GRAP2: variants seen among roughly 807,000 people sequenced by gnomAD.
GRAP2 encodes the protein GRB2 related adaptor protein 2, also known as GRB2-related adapter protein 2.
A neutral mutation model predicts 43.5 loss-of-function variants in GRAP2; 31 were observed. That is an observed-to-expected ratio of 0.71 (90% CI 0.54 to 0.96). GRAP2 has a LOEUF of 0.96. GRAP2 is among the 40% of genes least tolerant of loss of function. The pLI is 0.00. For synonymous variants in GRAP2, 156 were observed against 164.8 expected (o/e 0.95, Z 0.41); for missense variants, 371 against 424.4 (o/e 0.87, Z 1.11).
chr22:39,966,659 A>T (rs2067177666), intron 5 of GRAP2, among the ~76,000 whole-genome samples: 1 of 152,310 alleles, frequency 6.6e-6, no homozygotes, highest in East Asian at 1.9e-4. Flanking sequence ...GATTGGGGGT[A>T]GGGAGGACAT....
chr22:39,951,770 C>A (rs1473507350), intron 2 of GRAP2, among the ~76,000 whole-genome samples: 1 of 152,100 alleles, frequency 6.6e-6, no homozygotes, highest in Admixed American at 6.5e-5. Flanking sequence ...CATCTCCCCT[C>A]CCCTCAAATA....
At chr22:39,921,727 G>A (rs1030010239) in intron 1 of GRAP2, among the ~76,000 whole-genome samples, 2 of 152,212 alleles carry the variant, frequency 1.3e-5, no homozygotes, top group Non-Finnish European at 2.9e-5. Flanking sequence ...CTAGGAAAAT[G>A]TGTTACTGAA....
intron 1 of GRAP2, among the ~76,000 whole-genome samples, chr22:39,925,567 T>A (rs977504114): frequency 6.6e-6 from 1 of 152,174 alleles, no homozygotes; most frequent in African/African-American, 2.4e-5. Context: ...TAACTCTTGC[T>A]CATCTCCCTA....
intron 1 of GRAP2, chr22:39,926,955 GC>G: frequency 1.8e-6 from 1 of 563,162 alleles, no homozygotes; most frequent in Non-Finnish European, 2.3e-6. Context: ...CCTGGATCCA[GC>G]CCAGTTTGTC....
intron 2 of GRAP2, among the ~76,000 whole-genome samples, chr22:39,951,377 A>G (rs1366727367): frequency 6.6e-6 from 1 of 152,216 alleles, no homozygotes; most frequent in Non-Finnish European, 1.5e-5. Context: ...TAATGCAGCT[A>G]ATGCGACCTC....
At chr22:39,969,250 T>TA in intron 6 of GRAP2, 161 bp from the exon 7 acceptor site, 1 of 744,548 alleles carries the variant, frequency 1.3e-6, no homozygotes, top group South Asian at 1.8e-5. Context: ...AAGGTGCCTT[T>TA]AGACCTTAGG....
At chr22:39,938,651 G>A (rs567441279) in intron 1 of GRAP2, among the ~76,000 whole-genome samples, 3 of 152,360 alleles carry the variant, frequency 2.0e-5, no homozygotes, top group African/African-American at 7.2e-5. Context: ...ATGGGGAAGA[G>A]AGAACAGCAC....
rs550188398 is a variant in GRAP2, at chr22:39,966,344, C to T, written c.459+186C>T. Reference sequence around the variant, plus strand: ...TCGTGTGACTTTGGAAAGTTCTCTGCGCCTCAGTTTCCTCATCCATAAAGT... The same window carrying T: ...TCGTGTGACTTTGGAAAGTTCTCTGTGCCTCAGTTTCCTCATCCATAAAGT... On this transcript the variant is annotated intron_variant, in intron 5 of 7. Coordinates refer to ENST00000344138, the MANE Select transcript of GRAP2 (RefSeq NM_004810.4). Among the ~76,000 whole-genome samples, 17 of 152,284 alleles carry T rather than the reference C, an allele frequency of 1.1e-4. No homozygotes were observed. In the South Asian group the frequency reaches 1.7e-3, roughly 15 times the overall value.
chr22:39,899,288 T>C (rs946486085), upstream of GRAP2, among the ~76,000 whole-genome samples: 3 of 152,212 alleles, frequency 2.0e-5, no homozygotes, highest in African/African-American at 7.2e-5. Flanking sequence ...ATTAGCTTCC[T>C]CATTAGGGTA....
At position 39,956,636 on chromosome 22, in the gene GRAP2, C is replaced by CTTTTTTTTTTTTTTTTTTTT. The variant is rs1601732092; in HGVS notation, c.170+730_170+731insTTTTTTTTTTTTTTTTTTTT. Among the ~76,000 whole-genome samples the CTTTTTTTTTTTTTTTTTTTT allele has an allele frequency of 7.3e-5, 11 of 151,032 alleles. No individual in the cohort carries two copies. The East Asian group carries it at 2.3e-3, about 31-fold the overall frequency. ...GGTGCATGCCACCACACCCAGCTAA[C>CTTTTTTTTTTTTTTTTTTTT]TTTTGTATTTTTAGTAGAGATGGGG... On this transcript the variant is annotated intron_variant, in intron 3 of 7. Transcript: ENST00000344138.
chr22:39,921,615 C>A (rs916053712), intron 1 of GRAP2, among the ~76,000 whole-genome samples: 4 of 152,146 alleles, frequency 2.6e-5, no homozygotes, highest in Non-Finnish European at 4.4e-5. Flanking sequence ...CTTCAAGTTT[C>A]TCTTTTGTAG....
chr22:39,953,203 G>T (rs1454703336), intron 2 of GRAP2, among the ~76,000 whole-genome samples: 1 of 152,106 alleles, frequency 6.6e-6, no homozygotes, highest in Non-Finnish European at 1.5e-5. Flanking sequence ...CCTCTCTCCT[G>T]GGTCCAGACT....
chr22:39,948,378 G>A (rs2066946595), intron 2 of GRAP2: 2 of 152,188 alleles, frequency 1.3e-5, no homozygotes, highest in Non-Finnish European at 2.9e-5. Flanking sequence ...GCAGCGAGAA[G>A]TTCCTGCCTT....
At chr22:39,945,814 A>G (rs2066916138) in intron 1 of GRAP2, among the ~76,000 whole-genome samples, 1 of 152,176 alleles carries the variant, frequency 6.6e-6, no homozygotes, top group South Asian at 2.1e-4. Context: ...TAAAACGTAA[A>G]TACTATTTAG....
At chr22:39,952,136 C>T (rs556452781) in intron 2 of GRAP2, among the ~76,000 whole-genome samples, 36 of 151,210 alleles carry the variant, frequency 2.4e-4, no homozygotes, top group Non-Finnish European at 3.8e-4. Flanking sequence ...AAGCAATTCT[C>T]GTGGCTCAGC....
At chr22:39,942,780 A>G (rs1466748820) in intron 1 of GRAP2, among the ~76,000 whole-genome samples, 1 of 152,210 alleles carries the variant, frequency 6.6e-6, no homozygotes, top group Non-Finnish European at 1.5e-5. Flanking sequence ...ACAGAGGAAA[A>G]CTTTGTCTCT....
intron 1 of GRAP2, among the ~76,000 whole-genome samples, chr22:39,905,748 A>T (rs2066518960): frequency 6.6e-6 from 1 of 152,146 alleles, no homozygotes; most frequent in African/African-American, 2.4e-5. Context: ...TACGTTGCAC[A>T]AGGTCACTTA....
chr22:39,965,782 G>A (rs770688446), intron 4 of GRAP2, among the ~76,000 whole-genome samples: 12 of 152,190 alleles, frequency 7.9e-5, no homozygotes, highest in Non-Finnish European at 1.5e-4. Flanking sequence ...TGTAAATCCC[G>A]TCTAGCATAG....
chr22:39,898,815 A>C (rs1258997037), upstream of GRAP2, among the ~76,000 whole-genome samples: 1 of 152,246 alleles, frequency 6.6e-6, no homozygotes, highest in Non-Finnish European at 1.5e-5. Flanking sequence ...TCAGTCTCCA[A>C]AAAACAAAAT....
Sources: gnomAD v4.1 joint callset for allele counts (sites outside exome capture counted in the v4.1 genomes callset) on GRCh38, gnomAD v4.1.1 for gene constraint, MANE v1.5 for transcripts, NCBI Gene and HGNC (gene_info 2026-07-23, HGNC 2026-07-21) for gene names.